The following ARG2 variants were observed in gnomAD, a reference collection of about 807,000 sequenced individuals.
The protein encoded by ARG2 is arginase 2.
In ARG2, 21 loss-of-function variants were observed where a neutral mutation model predicts 39.4. That is an observed-to-expected ratio of 0.53 (90% confidence interval 0.38 to 0.77). The LOEUF (loss-of-function observed/expected upper bound fraction) is 0.77, where lower values mean the gene tolerates loss of function less well. ARG2 is among the 30% of genes least tolerant of loss of function. The pLI is 0.00. For missense variants in ARG2, 378 were observed against 426.2 expected, an observed-to-expected ratio of 0.89 and a Z score of 1.00; for synonymous variants, 150 against 156.7, an observed-to-expected ratio of 0.96 and a Z score of 0.32.
intron 4 of ARG2, 198 bp from the exon 5 acceptor site, chr14:67,646,446 G>A (rs2037099508): frequency 1.8e-6 from 1 of 562,874 alleles, no homozygotes; most frequent in Non-Finnish European, 3.2e-6. Flanking sequence ...AAGCAATACT[G>A]TGTTCCTCAG....
At chr14:67,633,813 C>T (rs537962527) in intron 2 of ARG2, among the ~76,000 whole-genome samples, 90 of 152,338 alleles carry the variant, frequency 5.9e-4, no homozygotes, top group African/African-American at 1.9e-3. Flanking sequence ...TGAAGGCATT[C>T]TCTCCTCCTC....
In ARG2 at chr14:67,651,590, T is replaced by C; in HGVS notation, c.*670T>C. 1 of 1,244,858 alleles carries C rather than the reference T, an allele frequency of 8.0e-7. No individual in the cohort carries two copies. The highest frequency in any genetic ancestry group is 1.1e-6 in the Non-Finnish European group (1 of 908,384). The allele number at this position is 1,244,858 out of a possible 1,614,324, so 77.1% of individuals were successfully genotyped here. ...GGCTGGATACTCTGAGGCTGTATGT[T>C]TGATCACACAGCCACTTAGCAGGAA... On this transcript the variant is annotated 3_prime_UTR_variant, in exon 8 of 8. Transcript: ENST00000261783.
At chr14:67,626,791 A>C (rs1367210885) in intron 2 of ARG2, among the ~76,000 whole-genome samples, 1 of 152,222 alleles carries the variant, frequency 6.6e-6, no homozygotes, top group Non-Finnish European at 1.5e-5. Context: ...TATTCATAGC[A>C]TTATTCATAA....
intron 2 of ARG2, among the ~76,000 whole-genome samples, chr14:67,635,533 A>G (rs1215302768): frequency 6.6e-6 from 1 of 152,212 alleles, no homozygotes; most frequent in East Asian, 1.9e-4. Context: ...GCTTGTTCTA[A>G]GAATTAGCAG....
At chr14:67,623,063 C>T (rs989055850) in intron 2 of ARG2, among the ~76,000 whole-genome samples, 1 of 152,122 alleles carries the variant, frequency 6.6e-6, no homozygotes, top group African/African-American at 2.4e-5. Flanking sequence ...TTCCCTTTGA[C>T]TTTTTTTCTC....
At position 67,642,358 on chromosome 14, in the gene ARG2, C is replaced by T. The variant is rs1488521848; in HGVS notation, c.357C>T (p.Asp119=). 1 of 1,613,520 alleles carries T rather than the reference C, an allele frequency of 6.2e-7. No homozygotes were observed. Among genetic ancestry groups the T allele is most frequent in the African/African-American group, 1.3e-5 (1 of 74,912 alleles). ...ACAGCTGTGTCACACTGGGAGGAGA[C>T]CACAGGTAAGCTGGGAGCCAGGCGT... ...DGYSCVTLGG[D]HSLAIGTISG... Residue 119 remains aspartate, a synonymous_variant, in exon 3 of 8, where the codon GAC becomes GAT. Transcript: ENST00000261783.
At chr14:67,637,410 CAAAAAAAAAA>C (rs34746542) in intron 2 of ARG2, among the ~76,000 whole-genome samples, 4 of 103,620 alleles carry the variant, frequency 3.9e-5, no homozygotes, top group Admixed American at 1.0e-4. Flanking sequence ...GACTCTGTCT[CAAAAAAAAAA>C]AAAAAAAAAA....
intron 2 of ARG2, among the ~76,000 whole-genome samples, chr14:67,635,050 G>C (rs888389462): frequency 1.3e-5 from 2 of 152,124 alleles, no homozygotes; most frequent in African/African-American, 4.8e-5. Context: ...TTTGAGACCA[G>C]CCTCGGTAAA....
chr14:67,651,170 A>ATTT lies in ARG2; in HGVS notation c.*251_*253dup, dbSNP rs2037170298. On this transcript the variant is annotated 3_prime_UTR_variant, in exon 8 of 8. Transcript: ENST00000261783. ...TAAATTTAAAGAAGTCATAAACAGCATTTATTACCTTGGTATATCATACTG... is the reference window on the plus strand; with the variant it reads ...TAAATTTAAAGAAGTCATAAACAGCATTTTTTATTACCTTGGTATATCATACTG... 2.0e-6 allele frequency: 2 copies of ATTT among 1,008,408 alleles called. No individual in the cohort carries two copies. Among genetic ancestry groups the ATTT allele is most frequent in the Admixed American group, 2.8e-5 (1 of 35,298 alleles). The allele number at this position is 1,008,408 out of a possible 1,614,324, so 62.5% of individuals were successfully genotyped here.
chr14:67,651,447 T>C lies in ARG2; in HGVS notation c.*527T>C, dbSNP rs1199905824. 1 of 1,613,844 alleles carries C rather than the reference T, an allele frequency of 6.2e-7. No homozygotes were observed. The highest frequency in any genetic ancestry group is 1.3e-5 in the African/African-American group (1 of 75,020). On this transcript the variant is annotated 3_prime_UTR_variant, in exon 8 of 8. Transcript: ENST00000261783. The stretch of plus-strand genomic sequence containing the variant: ...CCCAGGATGGCGAGCTCCAGTAAGA[T>C]GATAATGGAAAGCAGCAGCTTGTTG...
chr14:67,645,170 T>C (rs546977671), intron 3 of ARG2, among the ~76,000 whole-genome samples: 2 of 152,132 alleles, frequency 1.3e-5, no homozygotes, highest in East Asian at 3.9e-4. Context: ...ACCATTTACC[T>C]AGATTTCTTT....
At chr14:67,644,321 A>C (rs1159149698) in intron 3 of ARG2, among the ~76,000 whole-genome samples, 1 of 152,184 alleles carries the variant, frequency 6.6e-6, no homozygotes. Flanking sequence ...TATTATTATT[A>C]TCCCTATCTC....
chr14:67,642,793 CTTTTTTTTT>C (rs869215946), intron 3 of ARG2, among the ~76,000 whole-genome samples: 91 of 75,560 alleles, frequency 1.2e-3, no homozygotes, highest in Non-Finnish European at 8.7e-4. Context: ...ACTACATTTT[CTTTTTTTTT>C]TTTTTTTTTT....
At chr14:67,640,879 G>T (rs2037022889) in intron 2 of ARG2, among the ~76,000 whole-genome samples, 1 of 152,182 alleles carries the variant, frequency 6.6e-6, no homozygotes, top group African/African-American at 2.4e-5. Context: ...AAGGATAGAG[G>T]TTGAGCGTCC....
intron 1 of ARG2, 99 bp downstream of exon 1, chr14:67,620,187 G>A: frequency 5.4e-6 from 4 of 743,430 alleles, no homozygotes; most frequent in Non-Finnish European, 8.1e-6. Context: ...GCGAGGAGAG[G>A]ATGGGGAGAA....
intron 2 of ARG2, among the ~76,000 whole-genome samples, chr14:67,641,705 T>A (rs1197739438): frequency 1.3e-5 from 2 of 152,158 alleles, no homozygotes; most frequent in African/African-American, 4.8e-5. Context: ...TTTGGGAGGA[T>A]GAGGCGGGAG....
intron 3 of ARG2, among the ~76,000 whole-genome samples, chr14:67,642,800 T>C (rs1236837978): frequency 2.0e-5 from 2 of 101,436 alleles, no homozygotes; most frequent in African/African-American, 7.9e-5. Context: ...TTTCTTTTTT[T>C]TTTTTTTTTT....
At chr14:67,639,288 A>T (rs1400595822) in intron 2 of ARG2, among the ~76,000 whole-genome samples, 4 of 152,118 alleles carry the variant, frequency 2.6e-5, no homozygotes, top group African/African-American at 9.7e-5. Context: ...AAGTTCTGTG[A>T]CTTATCCACT....
chr14:67,640,549 A>G (rs1211706199), intron 2 of ARG2, among the ~76,000 whole-genome samples: 3 of 152,208 alleles, frequency 2.0e-5, no homozygotes, highest in Admixed American at 6.5e-5. Flanking sequence ...GCTCAAAATT[A>G]TAATTTAAAT....
Sources: gnomAD v4.1 joint callset for allele counts (sites outside exome capture counted in the v4.1 genomes callset) on GRCh38, gnomAD v4.1.1 for gene constraint, MANE v1.5 for transcripts, NCBI Gene and HGNC (gene_info 2026-07-23, HGNC 2026-07-21) for gene names.